Variants in SLC27A2 observed in about 807,000 individuals in gnomAD.
SLC27A2 encodes the protein long-chain fatty acid transport protein 2.
In SLC27A2, 54 loss-of-function variants were observed where a neutral mutation model predicts 60.0. The ratio of observed to expected loss-of-function variants is 0.90; its 90% CI spans 0.72 to 1.13. The LOEUF (loss-of-function observed/expected upper bound fraction) is 1.13. SLC27A2 is among the 50% of genes most tolerant of loss of function. SLC27A2 has a pLI of 0.00. For synonymous variants in SLC27A2, 297 were observed against 297.6 expected, an observed-to-expected ratio of 1.00 and a Z score of 0.02; for missense variants, 739 against 777.6, an observed-to-expected ratio of 0.95 and a Z score of 0.59.
chr15:50,192,251 T>C (rs1333957352), intron 1 of SLC27A2, among the ~76,000 whole-genome samples: 2 of 152,194 alleles, frequency 1.3e-5, no homozygotes, highest in Non-Finnish European at 2.9e-5. Context: ...CCAGATATGG[T>C]TGGCAAGCCG....
intron 1 of SLC27A2, among the ~76,000 whole-genome samples, chr15:50,194,755 T>C (rs2045000571): frequency 6.6e-6 from 1 of 152,126 alleles, no homozygotes; most frequent in Non-Finnish European, 1.5e-5. Flanking sequence ...TATGGTAACC[T>C]TTCTGGAGTG....
intron 3 of SLC27A2, among the ~76,000 whole-genome samples, chr15:50,204,403 G>C (rs1274087192): frequency 6.6e-6 from 1 of 152,012 alleles, no homozygotes; most frequent in Non-Finnish European, 1.5e-5. Context: ...GTTGCAGTGA[G>C]CCAAGATTTC....
At chr15:50,200,632 C>T (rs2045056751) in intron 2 of SLC27A2, among the ~76,000 whole-genome samples, 2 of 152,136 alleles carry the variant, frequency 1.3e-5, no homozygotes, top group African/African-American at 2.4e-5. Flanking sequence ...TTCCTCTTCA[C>T]GAAGTCTGTT....
intron 1 of SLC27A2, among the ~76,000 whole-genome samples, chr15:50,191,388 G>A (rs1327135795): frequency 6.6e-6 from 1 of 152,150 alleles, no homozygotes; most frequent in Non-Finnish European, 1.5e-5. Context: ...TTTGCCCAAG[G>A]TTAAGCACCA....
Position 50,202,630 on chromosome 15 carries a change from G to A in SLC27A2, c.832G>A (p.Gly278Arg), listed in dbSNP as rs147761579. 16 of 1,613,396 alleles carry A rather than the reference G, an allele frequency of 9.9e-6. No individual in the cohort carries two copies. In the African/African-American group the frequency reaches 1.1e-4, roughly 11 times the overall value. Residue 278 changes from glycine (G) to arginine (R), a missense_variant, in exon 3 of 10, where the codon GGA becomes AGA. By Grantham distance (125) the Gly-to-Arg change is moderately radical. Transcript: ENST00000267842. ...HSAALLIGIHGCIVAGATLAL... is the reference protein window; with the variant it reads ...HSAALLIGIHRCIVAGATLAL... ...TGCTGCACTACTGATTGGCATTCACGGATGTATTGTGGCTGGTAAGCTTTT... is the reference window on the plus strand; with the variant it reads ...TGCTGCACTACTGATTGGCATTCACAGATGTATTGTGGCTGGTAAGCTTTT...
At chr15:50,215,931 G>A (rs537350993) in intron 4 of SLC27A2, among the ~76,000 whole-genome samples, 8 of 152,280 alleles carry the variant, frequency 5.3e-5, no homozygotes, top group African/African-American at 1.9e-4. Context: ...GAACCCGAAA[G>A]CAAATGCAAT....
At chr15:50,189,212 C>T (rs2044953115) in intron 1 of SLC27A2, among the ~76,000 whole-genome samples, 1 of 152,046 alleles carries the variant, frequency 6.6e-6, no homozygotes, top group African/African-American at 2.4e-5. Flanking sequence ...TCCATTTAAA[C>T]TCAATCTACC....
chr15:50,221,158 T>C (rs1473917415), intron 4 of SLC27A2, among the ~76,000 whole-genome samples: 2 of 151,762 alleles, frequency 1.3e-5, no homozygotes, highest in African/African-American at 4.8e-5. Flanking sequence ...TAAGCCATAA[T>C]TGCACCAGCC....
chr15:50,224,128 T>C (rs1219155868), intron 5 of SLC27A2, among the ~76,000 whole-genome samples: 2 of 152,086 alleles, frequency 1.3e-5, no homozygotes, highest in Non-Finnish European at 2.9e-5. Flanking sequence ...CCACACTCGA[T>C]AAGGGAAAAG....
chr15:50,220,845 C>T (rs1345150489), intron 4 of SLC27A2, among the ~76,000 whole-genome samples: 2 of 152,176 alleles, frequency 1.3e-5, no homozygotes, highest in East Asian at 3.9e-4. Context: ...CATATGATCT[C>T]TGGACTTAAC....
rs767050184 is a variant in SLC27A2, at chr15:50,182,624, C to G, written c.197C>G (p.Thr66Arg). 3.1e-6 allele frequency: 5 copies of G among 1,613,938 alleles called. No homozygotes were observed. Among genetic ancestry groups the G allele is most frequent in the Non-Finnish European group, 4.2e-6 (5 of 1,179,880 alleles). ...LRAFLEKARQ[T>R]PHKPFLLFRD... ...GCGTTCCTGGAGAAAGCGCGCCAGA[C>G]GCCACACAAGCCTTTTCTGCTCTTC... is the stretch of plus-strand genomic sequence containing the variant. Residue 66 changes from threonine to arginine, a missense_variant, in exon 1 of 10, where the codon ACG (threonine) becomes AGG (arginine). By Grantham distance (71) the Thr-to-Arg change is moderately conservative. Transcript: ENST00000267842.
At chr15:50,197,881 C>T (rs2433283) in intron 2 of SLC27A2, among the ~76,000 whole-genome samples, 172 bp downstream of exon 2, 1 of 152,096 alleles carries the variant, frequency 6.6e-6, no homozygotes, top group African/African-American at 2.4e-5. Flanking sequence ...ATCCCATTTG[C>T]GTTTCTCCAA....
At chr15:50,223,896 C>T (rs1230382041) in intron 5 of SLC27A2, among the ~76,000 whole-genome samples, 3 of 152,166 alleles carry the variant, frequency 2.0e-5, no homozygotes, top group Non-Finnish European at 4.4e-5. Flanking sequence ...ATGAAACAGC[C>T]GCACCAGAAC....
chr15:50,234,603 A>C (rs2045338295), intron 9 of SLC27A2, among the ~76,000 whole-genome samples: 1 of 151,548 alleles, frequency 6.6e-6, no homozygotes, highest in Non-Finnish European at 1.5e-5. Flanking sequence ...AAAAAAAAAA[A>C]AAAAAATTAG....
At position 50,227,237 on chromosome 15, in the gene SLC27A2, T is replaced by C. The variant is rs757221553; in HGVS notation, c.1457+59T>C. ...ACACACGCACAGTTTGGCTTACTCCTAGTGGAATCGCATTCCACTTTGGTT... is the reference window on the plus strand; with the variant it reads ...ACACACGCACAGTTTGGCTTACTCCCAGTGGAATCGCATTCCACTTTGGTT... On this transcript the variant is annotated intron_variant, in intron 7 of 9. Transcript: ENST00000267842. 461 of 1,353,736 alleles carry C rather than the reference T, an allele frequency of 3.4e-4. 1 individual carries two copies. Among genetic ancestry groups the C allele is most frequent in the Middle Eastern group, 5.5e-4 (3 of 5,442 alleles). 83.9% of individuals were successfully genotyped at this position (1,353,736 alleles called of 1,614,324 possible).
chr15:50,231,080 A>T (rs977487291), intron 8 of SLC27A2, among the ~76,000 whole-genome samples: 2 of 152,196 alleles, frequency 1.3e-5, no homozygotes, highest in Admixed American at 1.3e-4. Context: ...ATGCACTAGA[A>T]CTAGATCCTG....
chr15:50,197,861 A>G (rs3803371), intron 2 of SLC27A2, 152 bp downstream of exon 2: 67,015 of 625,192 alleles, frequency 0.11, 4,055 homozygotes, highest in Middle Eastern at 0.13. Flanking sequence ...ATCTTATTTC[A>G]TAGCATGTGA....
intron 4 of SLC27A2, among the ~76,000 whole-genome samples, chr15:50,206,195 C>A (rs1286615351): frequency 6.6e-6 from 1 of 152,036 alleles, no homozygotes; most frequent in African/African-American, 2.4e-5. Context: ...TTGGACTTTG[C>A]CCACGAGATG....
Position 50,233,531 on chromosome 15 carries a change from A to G in SLC27A2, c.1556-337A>G, listed in dbSNP as rs146585439. Among the ~76,000 whole-genome samples the G allele has an allele frequency of 7.8e-4, 119 of 152,350 alleles. No individual in the cohort carries two copies. The East Asian group carries it at 0.023, about 29-fold the overall frequency. ...CCTAGTATTTGCTGTCTGACCTTGA[A>G]TAAGTCTCTTAATGTCTTTAAGCCT... On this transcript the variant is annotated intron_variant, in intron 8 of 9. Transcript: ENST00000267842.
Sources: gnomAD v4.1 joint callset for allele counts (sites outside exome capture counted in the v4.1 genomes callset) on GRCh38, gnomAD v4.1.1 for gene constraint, MANE v1.5 for transcripts, NCBI Gene and HGNC (gene_info 2026-07-23, HGNC 2026-07-21) for gene names.